The following DIS3L2 variants were observed in gnomAD, a reference collection of about 807,000 sequenced individuals.
DIS3L2 encodes DIS3-like exonuclease 2.
In DIS3L2, 34 loss-of-function variants were observed where a neutral mutation model predicts 97.5. The ratio of observed to expected loss-of-function variants is 0.35; its 90% confidence interval spans 0.27 to 0.46. The LOEUF (loss-of-function observed/expected upper bound fraction) is 0.46, where lower values mean the gene tolerates loss of function less well. DIS3L2 is among the 20% of genes least tolerant of loss of function. The pLI is 1.00. For synonymous variants in DIS3L2, 435 were observed against 445.2 expected, an observed-to-expected ratio of 0.98 and a Z score of 0.29; for missense variants, 1,038 against 1,146.0, an observed-to-expected ratio of 0.91 and a Z score of 1.36.
At position 232,271,478 on chromosome 2, in the gene DIS3L2, G is replaced by C. The variant is rs142989364; in HGVS notation, c.1659+8038G>C. On this transcript the variant is annotated intron_variant, in intron 13 of 20. Coordinates refer to ENST00000325385, the MANE Select transcript of DIS3L2 (RefSeq NM_152383.5). Reference sequence around the variant, plus strand: ...AAGTAGTAGTAAACAGTACAGGAAGGCTTCTGCTAGAAGTTCAAGGCTTCC... The same window carrying C: ...AAGTAGTAGTAAACAGTACAGGAAGCCTTCTGCTAGAAGTTCAAGGCTTCC... Among the ~76,000 whole-genome samples, 757 of 152,306 alleles carry C rather than the reference G, an allele frequency of 5.0e-3. 11 individuals are homozygous for C. The highest frequency in any genetic ancestry group is 0.017 in the African/African-American group (717 of 41,552).
downstream of DIS3L2, among the ~76,000 whole-genome samples, chr2:232,337,635 G>A (rs952511558): frequency 1.3e-5 from 2 of 152,106 alleles, no homozygotes; most frequent in African/African-American, 4.8e-5. Context: ...TCCGTGGCTT[G>A]GCGTCCCCGA....
chr2:231,995,915 GTTTC>G (rs959567609), intron 1 of DIS3L2, among the ~76,000 whole-genome samples: 1 of 152,172 alleles, frequency 6.6e-6, no homozygotes. Context: ...ACTCACTCTG[GTTTC>G]TTTAAAATTG....
intron 9 of DIS3L2, chr2:232,198,565 CAGAGAGAGCTTCGGAT>C (rs1691816282): frequency 6.6e-6 from 1 of 152,212 alleles, no homozygotes; most frequent in African/African-American, 2.4e-5. Context: ...AAGAGATGTT[CAGAGAGAGCTTCGGAT>C]AGAGAGACTT....
At chr2:232,249,727 T>C (rs1412677784) in intron 12 of DIS3L2, among the ~76,000 whole-genome samples, 2 of 152,124 alleles carry the variant, frequency 1.3e-5, no homozygotes, top group East Asian at 3.9e-4. Flanking sequence ...AGGAGGACAT[T>C]AGGTAAAGTG....
chr2:232,018,916 A>G (rs1158519971), intron 3 of DIS3L2, among the ~76,000 whole-genome samples: 1 of 152,178 alleles, frequency 6.6e-6, no homozygotes, highest in African/African-American at 2.4e-5. Flanking sequence ...CAAAAAATGT[A>G]TTTCATTTCT....
At chr2:232,116,498 A>G (rs1044206246) in intron 6 of DIS3L2, among the ~76,000 whole-genome samples, 2 of 152,124 alleles carry the variant, frequency 1.3e-5, no homozygotes, top group African/African-American at 4.8e-5. Context: ...TCTTTGGATC[A>G]CTCTAAATAA....
At chr2:232,209,652 G>T (rs1008043329) in intron 9 of DIS3L2, among the ~76,000 whole-genome samples, 3 of 152,170 alleles carry the variant, frequency 2.0e-5, no homozygotes, top group Admixed American at 1.3e-4. Flanking sequence ...AAGATCTTTA[G>T]GTGTTTACAT....
At chr2:232,342,599 G>C (rs1339450079) in intron 13 of DIS3L2, among the ~76,000 whole-genome samples, 1 of 152,236 alleles carries the variant, frequency 6.6e-6, no homozygotes, top group Non-Finnish European at 1.5e-5. Flanking sequence ...TGTACATTCA[G>C]CATAGGGTGT....
intron 14 of DIS3L2, among the ~76,000 whole-genome samples, chr2:232,316,667 C>T (rs1695284698): frequency 6.6e-6 from 1 of 152,248 alleles, no homozygotes; most frequent in South Asian, 2.1e-4. Context: ...TGGCTGCCCA[C>T]AGGCCCTGCT....
At chr2:232,013,847 T>A (rs1031676357) in intron 1 of DIS3L2, among the ~76,000 whole-genome samples, 2 of 152,248 alleles carry the variant, frequency 1.3e-5, no homozygotes, top group African/African-American at 4.8e-5. Context: ...TCTCTTTATC[T>A]TTCCCTAAGT....
intron 1 of DIS3L2, among the ~76,000 whole-genome samples, chr2:231,977,804 G>GA (rs369986293): frequency 3.6e-3 from 535 of 148,056 alleles, no homozygotes; most frequent in Non-Finnish European, 5.7e-3. Context: ...ATAATTAATG[G>GA]AAAACTATCT....
intron 6 of DIS3L2, among the ~76,000 whole-genome samples, chr2:232,119,810 A>G (rs900185235): frequency 4.6e-5 from 7 of 152,236 alleles, no homozygotes; most frequent in African/African-American, 1.7e-4. Flanking sequence ...ATCTGAAGCC[A>G]CTGCATGGCC....
intron 5 of DIS3L2, among the ~76,000 whole-genome samples, chr2:232,046,144 C>T (rs967415495): frequency 6.6e-6 from 1 of 152,140 alleles, no homozygotes; most frequent in East Asian, 1.9e-4. Flanking sequence ...GCACTATCTT[C>T]AGTCTGTAAG....
intron 9 of DIS3L2, among the ~76,000 whole-genome samples, chr2:232,202,887 A>C (rs1191610394): frequency 6.6e-6 from 1 of 152,216 alleles, no homozygotes. Flanking sequence ...CCGTCGAAAA[A>C]AAGAAAAGGC....
intron 15 of DIS3L2, among the ~76,000 whole-genome samples, 170 bp downstream of exon 15, chr2:232,330,166 G>A (rs909866828): frequency 6.6e-6 from 1 of 152,204 alleles, no homozygotes. Flanking sequence ...CTGAGTCACA[G>A]GGGCCCTGAC....
At chr2:232,338,904 G>T (rs1323983205), downstream of DIS3L2, among the ~76,000 whole-genome samples, 3 of 152,274 alleles carry the variant, frequency 2.0e-5, no homozygotes, top group Non-Finnish European at 4.4e-5. Context: ...TGCCGGCCAG[G>T]GCCCGGGCAC....
intron 12 of DIS3L2, among the ~76,000 whole-genome samples, chr2:232,256,965 A>G (rs1366990263): frequency 2.0e-5 from 3 of 151,988 alleles, no homozygotes; most frequent in Non-Finnish European, 4.4e-5. Flanking sequence ...TAAAAATACA[A>G]AAATTAGCCA....
intron 10 of DIS3L2, among the ~76,000 whole-genome samples, chr2:232,236,612 C>A (rs114834684): frequency 6.6e-6 from 1 of 152,140 alleles, no homozygotes; most frequent in African/African-American, 2.4e-5. Context: ...AGGAGAGAGA[C>A]CCTCTTTCCT....
intron 5 of DIS3L2, among the ~76,000 whole-genome samples, chr2:232,039,115 C>T (rs1022674408): frequency 5.9e-5 from 9 of 152,148 alleles, no homozygotes; most frequent in East Asian, 1.9e-4. Flanking sequence ...TTTGTGTTAA[C>T]GTCAGCCCCA....
Sources: allele counts gnomAD v4.1 joint callset (sites outside exome capture counted in the v4.1 genomes callset), GRCh38; gene constraint gnomAD v4.1.1; transcripts MANE v1.5; gene names NCBI Gene and HGNC (gene_info 2026-07-23, HGNC 2026-07-21).